The following DNAH6 variants were observed in gnomAD, a reference collection of about 807,000 sequenced individuals.
The protein encoded by DNAH6 is axonemal beta dynein heavy chain 6.
Under a neutral mutation model 491.4 loss-of-function variants are expected in DNAH6, and 340 were observed. That is an observed-to-expected ratio of 0.69 (90% confidence interval 0.63 to 0.76). The LOEUF (loss-of-function observed/expected upper bound fraction) is 0.76, where lower values mean the gene tolerates loss of function less well. Ranked by LOEUF, DNAH6 falls within the 30% of genes least tolerant of loss-of-function variation. DNAH6 has a pLI of 0.00. For synonymous variants in DNAH6, 1,603 were observed against 1,686.1 expected (o/e 0.95, Z 1.21); for missense variants, 4,443 against 4,972.2 (o/e 0.89, Z 3.20).
Position 84,685,326 on chromosome 2 carries a change from G to C in DNAH6, c.6917G>C (p.Gly2306Ala). Reference sequence around the variant, plus strand: ...TTTTTTTCCTTTTCTTAAAAAACAGGTATCCTCCAATGTGATCCAGGAACA... The same window carrying C: ...TTTTTTTCCTTTTCTTAAAAAACAGCTATCCTCCAATGTGATCCAGGAACA... The part of the protein sequence containing the change: ...NLRDLSKCVQ[G>A]ILQCDPGTIR... Residue 2306 changes from glycine to alanine, a missense_variant and splice_region_variant, in exon 43 of 77, where the codon GGT (glycine) becomes GCT (alanine). Coordinates refer to ENST00000389394, the MANE Select transcript of DNAH6 (RefSeq NM_001370.2). 6.9e-7 allele frequency: 1 copy of C among 1,452,332 alleles called. No homozygotes were observed. Among genetic ancestry groups the C allele is most frequent in the South Asian group, 1.5e-5 (1 of 66,414 alleles). The allele number at this position is 1,452,332 out of a possible 1,614,324, so 90.0% of individuals were successfully genotyped here.
rs940921559 is a variant in DNAH6 at position 84,653,778 on chromosome 2, T to G, written c.5538T>G (p.Ile1846Met). 1 of 1,551,358 alleles carries G rather than the reference T, an allele frequency of 6.4e-7. No individual in the cohort carries two copies. Among genetic ancestry groups the G allele is most frequent in the African/African-American group, 1.4e-5 (1 of 73,002 alleles). ...ATGGGCCAGTAGATGCTCTTTGGAT[T>G]GAAAACATGAATACAGTGCTGGATG... ...ISDGPVDALWIENMNTVLDDN... is the reference protein window; with the variant it reads ...ISDGPVDALWMENMNTVLDDN... Residue 1846 changes from isoleucine (I) to methionine (M), a missense_variant, in exon 34 of 77, where the codon ATT becomes ATG. Ile to Met is a conservative substitution (Grantham distance 10). Coordinates refer to ENST00000389394, the MANE Select transcript of DNAH6 (RefSeq NM_001370.2).
intron 14 of DNAH6, among the ~76,000 whole-genome samples, chr2:84,582,643 G>A (rs1411921174): frequency 1.3e-5 from 2 of 152,038 alleles, no homozygotes; most frequent in South Asian, 4.2e-4. Flanking sequence ...TAGTAGAGAC[G>A]GGGTTTCACC....
Position 84,699,503 on chromosome 2 carries a change from T to C in DNAH6, c.7678-91T>C, listed in dbSNP as rs923015055. The C allele has an allele frequency of 1.5e-5, 16 of 1,096,100 alleles. No individual in the cohort carries two copies. In the African/African-American group the frequency reaches 2.4e-4, roughly 16 times the overall value. The allele number at this position is 1,096,100 out of a possible 1,614,324, so 67.9% of individuals were successfully genotyped here. On this transcript the variant is annotated intron_variant, in intron 47 of 76. Coordinates refer to ENST00000389394, the MANE Select transcript of DNAH6 (RefSeq NM_001370.2). ...TACTATGCTGACATTTTATATTTGA[T>C]ATTGGGAGCCTCAGATGCATTAGCC...
intron 11 of DNAH6, among the ~76,000 whole-genome samples, chr2:84,566,752 G>T (rs762322521): frequency 6.6e-5 from 10 of 152,016 alleles, no homozygotes; most frequent in Non-Finnish European, 1.2e-4. Context: ...AATATTTAAT[G>T]TAAACACTCT....
Position 84,812,408 on chromosome 2 carries a change from T to C in DNAH6, c.11807T>C (p.Val3936Ala), listed in dbSNP as rs894128373. Residue 3936 changes from valine (V) to alanine (A), a missense_variant, in exon 73 of 77, where the codon GTG becomes GCG. Coordinates refer to ENST00000389394, the MANE Select transcript of DNAH6 (RefSeq NM_001370.2). ...FVVMSEEMEK[V>A]YNSFLNNQVP... ...GTGATGTCTGAAGAAATGGAAAAAG[T>C]GTATAACAGTTTCCTCAACAACCAG... 7 of 1,551,874 alleles carry C rather than the reference T, an allele frequency of 4.5e-6. No individual in the cohort carries two copies. The highest frequency in any genetic ancestry group is 2.7e-5 in the African/African-American group (2 of 73,158).
At chr2:84,654,138 GGA>G (rs368820315) in intron 34 of DNAH6, among the ~76,000 whole-genome samples, 1 of 150,960 alleles carries the variant, frequency 6.6e-6, no homozygotes. Flanking sequence ...GAAAGAAAGA[GGA>G]GAGAGAGAGA....
intron 10 of DNAH6, among the ~76,000 whole-genome samples, chr2:84,553,251 G>A (rs1404009496): frequency 6.6e-6 from 1 of 152,144 alleles, no homozygotes; most frequent in Non-Finnish European, 1.5e-5. Flanking sequence ...TAGAGGCTTG[G>A]TAAGGTACAG....
chr2:84,524,016 TTGA>T (rs1206527362), intron 2 of DNAH6, among the ~76,000 whole-genome samples: 3 of 151,888 alleles, frequency 2.0e-5, no homozygotes, highest in Non-Finnish European at 4.4e-5. Context: ...ATTTTCTGAC[TTGA>T]TGATCTGTCT....
intron 15 of DNAH6, 185 bp downstream of exon 15, chr2:84,584,435 A>G: frequency 1.6e-6 from 1 of 613,878 alleles, no homozygotes; most frequent in East Asian, 3.0e-5. Flanking sequence ...CGTCACATAC[A>G]TCATTTTTTG....
At chr2:84,690,561 T>C (rs1274555067) in intron 45 of DNAH6, among the ~76,000 whole-genome samples, 1 of 152,248 alleles carries the variant, frequency 6.6e-6, no homozygotes, top group African/African-American at 2.4e-5. Context: ...TTATAATCTT[T>C]CTTACTTTTG....
In DNAH6 at chr2:84,672,460, C is replaced by T. The variant is rs764242882; in HGVS notation, c.6588C>T (p.Asn2196=). The change falls in exon 40 of 77, where the codon AAC becomes AAT. Residue 2196 remains asparagine, a synonymous_variant. Coordinates refer to ENST00000389394, the MANE Select transcript of DNAH6 (RefSeq NM_001370.2). Reference sequence around the variant, plus strand: ...ATTTTGGGGGATTTTATGACAGAAACAAACTGTTTTGGAAAGAAATACAGG... The same window carrying T: ...ATTTTGGGGGATTTTATGACAGAAATAAACTGTTTTGGAAAGAAATACAGG... ...YQDFGGFYDR[N]KLFWKEIQDV... 3.2e-6 allele frequency: 5 copies of T among 1,550,908 alleles called. No individual in the cohort carries two copies. In the South Asian group the frequency reaches 6.0e-5, roughly 19 times the overall value.
At chr2:84,479,533 T>C in the DNAH6 span, among the ~76,000 whole-genome samples, 60 of 152,182 alleles carry the variant, frequency 3.9e-4, no homozygotes, top group African/African-American at 2.9e-4. Context: ...AGATTACCAA[T>C]GTCTACACAC....
At chr2:84,723,811 G>A (rs964707844) in intron 60 of DNAH6, among the ~76,000 whole-genome samples, 4 of 152,148 alleles carry the variant, frequency 2.6e-5, no homozygotes, top group African/African-American at 9.7e-5. Flanking sequence ...TCATGAGTAG[G>A]ATGTTTTCAC....
Position 84,785,569 on chromosome 2 carries a change from A to G in DNAH6, c.10954-41A>G, listed in dbSNP as rs1677096942. The G allele has an allele frequency of 6.1e-6, 9 of 1,471,138 alleles. No individual in the cohort carries two copies. The Admixed American group carries it at 1.9e-4, about 32-fold the overall frequency. 91.1% of individuals were successfully genotyped at this position (1,471,138 alleles called of 1,614,324 possible). A position where few individuals can be genotyped will look rare whatever the true frequency, so the allele number is the denominator to read the frequency against. ...TTATTCAGAAATAATGCAAATCTAT[A>G]AAATCACTCTCTCTGCCACATATAT... On this transcript the variant is annotated intron_variant, in intron 66 of 76. Transcript: ENST00000389394.
intron 5 of DNAH6, among the ~76,000 whole-genome samples, chr2:84,545,142 G>A (rs1678650326): frequency 6.6e-6 from 1 of 152,086 alleles, no homozygotes; most frequent in African/African-American, 2.4e-5. Context: ...GTCCTCAGCT[G>A]TCTTATTTCT....
chr2:84,514,556 T>G (rs1463580514), upstream of DNAH6, among the ~76,000 whole-genome samples: 2 of 152,194 alleles, frequency 1.3e-5, no homozygotes, highest in East Asian at 3.8e-4. Flanking sequence ...CCTACTTCTT[T>G]AGCTGTGAAA....
intron 4 of DNAH6, among the ~76,000 whole-genome samples, chr2:84,539,931 A>G (rs1211682817): frequency 5.9e-5 from 9 of 152,196 alleles, no homozygotes; most frequent in Admixed American, 5.9e-4. Flanking sequence ...GGCAAGGACC[A>G]TCATCAAACA....
chr2:84,721,719 G>T (rs1451781086), intron 59 of DNAH6, among the ~76,000 whole-genome samples: 5 of 151,678 alleles, frequency 3.3e-5, no homozygotes, highest in African/African-American at 1.2e-4. Flanking sequence ...TATTTATGTG[G>T]CTCACATTAT....
At chr2:84,506,731 A>T in the DNAH6 span, among the ~76,000 whole-genome samples, 24 of 152,284 alleles carry the variant, frequency 1.6e-4, no homozygotes, top group African/African-American at 5.5e-4. Context: ...ACCATCTTGA[A>T]TTAATTTTTG....
Sources: allele counts gnomAD v4.1 joint callset (sites outside exome capture counted in the v4.1 genomes callset), GRCh38; gene constraint gnomAD v4.1.1; transcripts MANE v1.5; gene names NCBI Gene and HGNC (gene_info 2026-07-23, HGNC 2026-07-21).